ROBO1: variants seen among roughly 807,000 people sequenced by gnomAD.
The protein encoded by ROBO1 is roundabout guidance receptor 1, also known as roundabout homolog 1.
ROBO1 carries 149 observed loss-of-function variants against 195.9 expected under a neutral mutation model. That is an observed-to-expected ratio of 0.76 (90% confidence interval 0.67 to 0.87). The LOEUF is 0.87. ROBO1 is among the 40% of genes least tolerant of loss of function. The pLI, the probability that ROBO1 is intolerant of heterozygous loss-of-function variation, is 0.00. For synonymous variants in ROBO1, 816 were observed against 733.2 expected (o/e 1.11, Z -1.82); for missense variants, 1,933 against 2,068.3 (o/e 0.93, Z 1.27).
chr3:79,175,892 T>A (rs2081255037), intron 2 of ROBO1, among the ~76,000 whole-genome samples: 1 of 152,212 alleles, frequency 6.6e-6, no homozygotes. Flanking sequence ...ATGAATTGTA[T>A]AACTGAGAAA....
chr3:78,874,604 A>G (rs1270590679), intron 4 of ROBO1, among the ~76,000 whole-genome samples: 1 of 151,898 alleles, frequency 6.6e-6, no homozygotes, highest in Non-Finnish European at 1.5e-5. Flanking sequence ...AGTATTCATT[A>G]TATTATGGTT....
At chr3:79,125,658 C>A in intron 2 of ROBO1, 119 bp from the exon 3 acceptor site, 1 of 732,560 alleles carries the variant, frequency 1.4e-6, no homozygotes, top group South Asian at 1.6e-5. Flanking sequence ...CACACAAGGA[C>A]AACACACAGC....
intron 2 of ROBO1, among the ~76,000 whole-genome samples, chr3:79,543,966 A>C (rs1335637567): frequency 2.6e-5 from 4 of 152,136 alleles, no homozygotes; most frequent in African/African-American, 4.8e-5. Flanking sequence ...TAGACTAAAC[A>C]AAAAATGAGG....
rs190974945 is a variant in ROBO1, at chr3:79,064,412, A to G, written c.172+61044T>C. Among the ~76,000 whole-genome samples, 89 of 152,062 alleles carry G rather than the reference A, an allele frequency of 5.9e-4. 1 individual carries two copies. The South Asian group carries it at 7.7e-3, about 13-fold the overall frequency. ...AGCTCATCTTCCTGACTGCTAATCA[A>G]TATAAACCCCAATGCTTATAACTGA... On this transcript the variant is annotated intron_variant, in intron 3 of 30. Transcript: ENST00000464233.
intron 4 of ROBO1, among the ~76,000 whole-genome samples, chr3:78,917,833 A>T (rs2038707381): frequency 6.6e-6 from 1 of 152,240 alleles, no homozygotes; most frequent in Non-Finnish European, 1.5e-5. Flanking sequence ...AAAGAAAGCA[A>T]GGAAGAAGGA....
chr3:78,843,839 A>G (rs1451588524), intron 4 of ROBO1, among the ~76,000 whole-genome samples: 2 of 152,056 alleles, frequency 1.3e-5, no homozygotes, highest in East Asian at 1.9e-4. Flanking sequence ...TAAGCTCTCA[A>G]TCAATTAAGT....
At chr3:79,651,583 T>A (rs747357719) in intron 1 of ROBO1, among the ~76,000 whole-genome samples, 30 of 152,140 alleles carry the variant, frequency 2.0e-4, no homozygotes, top group South Asian at 6.2e-4. Flanking sequence ...AACTCAGCGG[T>A]GCATGACGCA....
chr3:79,749,667 G>A (rs1475444283), intron 1 of ROBO1, among the ~76,000 whole-genome samples: 1 of 152,192 alleles, frequency 6.6e-6, no homozygotes, highest in Non-Finnish European at 1.5e-5. Flanking sequence ...CTTGGCCCAT[G>A]GCTTCAGAGG....
chr3:79,418,379 A>C (rs1462490436), intron 2 of ROBO1, among the ~76,000 whole-genome samples: 1 of 152,166 alleles, frequency 6.6e-6, no homozygotes, highest in Non-Finnish European at 1.5e-5. Context: ...TGGATTCAGC[A>C]GATGTGATGT....
chr3:79,623,048 A>T (rs1160469975), intron 1 of ROBO1, among the ~76,000 whole-genome samples: 2 of 152,118 alleles, frequency 1.3e-5, no homozygotes, highest in Non-Finnish European at 2.9e-5. Context: ...GCCTGACGTG[A>T]ACCCCCAGGA....
intron 3 of ROBO1, among the ~76,000 whole-genome samples, chr3:78,959,952 G>T (rs980814491): frequency 1.3e-5 from 2 of 152,284 alleles, no homozygotes; most frequent in African/African-American, 4.8e-5. Flanking sequence ...GAGTGGGGGA[G>T]GGTGGCATGA....
intron 8 of ROBO1, among the ~76,000 whole-genome samples, chr3:78,696,703 C>CAT (rs1247893179): frequency 6.8e-6 from 1 of 146,140 alleles, no homozygotes; most frequent in African/African-American, 2.5e-5. Flanking sequence ...TATATATACA[C>CAT]ATATATATAC....
chr3:79,166,560 CTTTTTTT>C (rs968334923), intron 2 of ROBO1, among the ~76,000 whole-genome samples: 2 of 135,106 alleles, frequency 1.5e-5, no homozygotes, highest in Admixed American at 7.5e-5. Flanking sequence ...TTCTATTTTT[CTTTTTTT>C]TTTTTTTTTT....
At position 79,342,677 on chromosome 3, in the gene ROBO1, G is replaced by A. The variant is rs79353353; in HGVS notation, c.89-217138C>T. ...GGAGTAAGGGAGGGAAAAAAGGATA[G>A]AGTGATCATATGGCAGTCAACACAG... On this transcript the variant is annotated intron_variant, in intron 2 of 30. Transcript: ENST00000464233. Among the ~76,000 whole-genome samples, 56 of 152,222 alleles carry A rather than the reference G, an allele frequency of 3.7e-4. No homozygotes were observed. In the East Asian group the frequency reaches 4.6e-3, roughly 13 times the overall value.
At chr3:79,438,488 A>C (rs2038956423) in intron 2 of ROBO1, among the ~76,000 whole-genome samples, 1 of 152,182 alleles carries the variant, frequency 6.6e-6, no homozygotes, top group East Asian at 1.9e-4. Flanking sequence ...CAAGGAGTTA[A>C]AAACTGGAAT....
chr3:78,699,969 C>G (rs1192790260), intron 8 of ROBO1, among the ~76,000 whole-genome samples: 2 of 152,154 alleles, frequency 1.3e-5, no homozygotes, highest in Admixed American at 6.5e-5. Context: ...TCATAGCAAT[C>G]TTAACTTTCC....
intron 3 of ROBO1, among the ~76,000 whole-genome samples, chr3:79,085,014 T>C (rs1007336753): frequency 1.3e-5 from 2 of 152,310 alleles, no homozygotes; most frequent in Admixed American, 1.3e-4. Context: ...GCAATATTAG[T>C]TACTAACATT....
intron 2 of ROBO1, among the ~76,000 whole-genome samples, chr3:79,550,653 A>AAACTAAATAATTTATTTCCC (rs1942477324): frequency 1.3e-5 from 2 of 152,226 alleles, no homozygotes; most frequent in South Asian, 4.1e-4. Context: ...GTGAATTATT[A>AAACTAAATAATTTATTTCCC]GGGAGAAATA....
intron 4 of ROBO1, among the ~76,000 whole-genome samples, chr3:78,761,531 C>G (rs1482237381): frequency 6.6e-6 from 1 of 152,106 alleles, no homozygotes; most frequent in Non-Finnish European, 1.5e-5. Flanking sequence ...AATATAATCT[C>G]TGATTATCAT....
Sources: allele counts gnomAD v4.1 joint callset (sites outside exome capture counted in the v4.1 genomes callset), GRCh38; gene constraint gnomAD v4.1.1; transcripts MANE v1.5; gene names NCBI Gene and HGNC (gene_info 2026-07-23, HGNC 2026-07-21).